UNC80: variants seen among roughly 807,000 people sequenced by gnomAD.
UNC80 encodes unc-80 subunit of NALCN channel complex, also known as protein unc-80 homolog.
In UNC80, 164 loss-of-function variants were observed where a neutral mutation model predicts 384.6. The ratio of observed to expected loss-of-function variants is 0.43; its 90% CI spans 0.38 to 0.49. The LOEUF (loss-of-function observed/expected upper bound fraction) is 0.49. Among genes scored for constraint, UNC80 ranks in the 20% least tolerant of loss-of-function variants. The probability of loss-of-function intolerance (pLI) is 0.00; values close to 1 mark genes in which losing one functional copy is unlikely to be tolerated. For missense variants in UNC80, 3,330 were observed against 4,143.0 expected (o/e 0.80, Z 5.39); for synonymous variants, 1,486 against 1,527.8 (o/e 0.97, Z 0.64).
rs572359494 is a variant in UNC80, at chr2:209,972,123, C to T, written c.8257-78C>T. The T allele has an allele frequency of 6.0e-6, 9 of 1,504,840 alleles. No homozygotes were observed. The South Asian group carries it at 1.2e-4, about 19-fold the overall frequency. The allele number at this position is 1,504,840 out of a possible 1,614,324, so 93.2% of individuals were successfully genotyped here. ...AGCAGCCAGCAGGGAGTCACCGTCT[C>T]CATCATACTGTGTAAAAACAAACAT... is the stretch of plus-strand genomic sequence containing the variant. On this transcript the variant is annotated intron_variant, in intron 54 of 64. Coordinates refer to ENST00000673920, the MANE Select transcript of UNC80 (RefSeq NM_001371986.1).
chr2:209,802,122 T>C (rs1224345461), intron 7 of UNC80, among the ~76,000 whole-genome samples: 1 of 151,634 alleles, frequency 6.6e-6, no homozygotes. Context: ...AGAAGTAGAG[T>C]AGAATGGTAG....
At position 209,777,370 on chromosome 2, in the gene UNC80, A is replaced by C; in HGVS notation, c.411A>C (p.Arg137=). The change falls in exon 4 of 65, where the codon CGA becomes CGC. Residue 137 remains arginine, a synonymous_variant. Coordinates refer to ENST00000673920, the MANE Select transcript of UNC80 (RefSeq NM_001371986.1). ...ATGAGCGGTTTGGGGGTACAGACCG[A>C]GGCTCCAGCTGGGGTGGAAGCAGCA... ...CNNERFGGTD[R]GSSWGGSSSA... 6.2e-7 allele frequency: 1 copy of C among 1,614,212 alleles called. No homozygotes were observed.
chr2:209,978,544 C>A lies in UNC80; in HGVS notation c.8954C>A (p.Thr2985Lys). Reference sequence around the variant, plus strand: ...CATCCTCTAGCCTACCAAGGCAAGACATCCATCAGTACCGTGGGCACCTCC... The same window carrying A: ...CATCCTCTAGCCTACCAAGGCAAGAAATCCATCAGTACCGTGGGCACCTCC... ...VHSGSAYQGK[T>K]SISTVGTSTS... is the part of the protein sequence containing the mutation. The change falls in exon 59 of 65, where the codon ACA becomes AAA. Residue 2985 changes from threonine to lysine, a missense_variant. Transcript: ENST00000673920. The A allele has an allele frequency of 6.5e-7, 1 of 1,546,906 alleles. No individual in the cohort carries two copies. Among genetic ancestry groups the A allele is most frequent in the Non-Finnish European group, 8.7e-7 (1 of 1,143,354 alleles).
At chr2:209,974,581 T>C (rs1218600674) in intron 56 of UNC80, among the ~76,000 whole-genome samples, 5 of 152,250 alleles carry the variant, frequency 3.3e-5, no homozygotes, top group African/African-American at 1.2e-4. Flanking sequence ...ACATTTATTT[T>C]GAGCACTTAC....
At position 209,840,620 on chromosome 2, in the gene UNC80, G is replaced by C. The variant is rs759835534; in HGVS notation, c.3329G>C (p.Arg1110Pro). 2 of 1,551,882 alleles carry C rather than the reference G, an allele frequency of 1.3e-6. No homozygotes were observed. The highest frequency in any genetic ancestry group is 1.4e-5 in the African/African-American group (1 of 73,020). ...CTCCTGGACATTAGCTCTGTGGACC[G>C]ACTCTCTTTCATCAGGCAAAGCTCC... ...EDLLDISSVD[R>P]LSFIRQSSKV... is the part of the protein sequence containing the mutation. The change falls in exon 20 of 65, where the codon CGA becomes CCA. Residue 1110 changes from arginine to proline, a missense_variant. Arg to Pro is a moderately radical substitution (Grantham distance 103). This residue lies in a region of UNC80 where 801 missense variants were observed against 950.8 expected (regional missense o/e 0.84). Coordinates refer to ENST00000673920, the MANE Select transcript of UNC80 (RefSeq NM_001371986.1).
chr2:209,880,249 A>G (rs540688848), intron 24 of UNC80, among the ~76,000 whole-genome samples: 73 of 152,348 alleles, frequency 4.8e-4, no homozygotes, highest in Middle Eastern at 3.4e-3. Flanking sequence ...AGCAAAATCT[A>G]TTAGCTGGCT....
At chr2:209,818,827 G>GTCTTGGT (rs958241388) in intron 11 of UNC80, among the ~76,000 whole-genome samples, 166 bp from the exon 12 acceptor site, 3 of 152,140 alleles carry the variant, frequency 2.0e-5, no homozygotes, top group Admixed American at 6.6e-5. Context: ...GGCCTTAGTA[G>GTCTTGGT]CTTCAGTAGT....
chr2:209,973,314 G>T (rs1038833314), intron 56 of UNC80, 44 bp downstream of exon 56: 2 of 1,475,744 alleles, frequency 1.4e-6, no homozygotes, highest in East Asian at 2.5e-5. Context: ...GCATGTGTAT[G>T]TATATGTATG....
intron 59 of UNC80, among the ~76,000 whole-genome samples, chr2:209,979,823 G>A (rs980868342): frequency 9.2e-5 from 14 of 152,238 alleles, no homozygotes; most frequent in African/African-American, 3.4e-4. Context: ...TTCACTCAGA[G>A]GCTCTCCATA....
rs1277299875 is a variant in UNC80 at position 209,831,529 on chromosome 2, T to G, written c.2713T>G (p.Phe905Val). Residue 905 changes from phenylalanine to valine, a missense_variant, in exon 16 of 65, where the codon TTT becomes GTT. Physicochemically the swap from Phe to Val is conservative, Grantham distance 50. Coordinates refer to ENST00000673920, the MANE Select transcript of UNC80 (RefSeq NM_001371986.1). ...GGAAGGCATTATCGTCAGCGCCATG[T>G]TTAAATCCCTCATCACACGCTGCGC... ...NVEGIIVSAM[F>V]KSLITRCAST... The G allele has an allele frequency of 1.3e-6, 2 of 1,551,236 alleles. No homozygotes were observed. The highest frequency in any genetic ancestry group is 1.7e-6 in the Non-Finnish European group (2 of 1,146,776).
At chr2:209,801,201 G>C (rs1351882065) in intron 7 of UNC80, among the ~76,000 whole-genome samples, 1 of 151,896 alleles carries the variant, frequency 6.6e-6, no homozygotes, top group Non-Finnish European at 1.5e-5. Context: ...TCTCTTTTTA[G>C]GTCTCTAAGA....
chr2:209,940,357 A>G (rs1033844310), intron 43 of UNC80, among the ~76,000 whole-genome samples: 2 of 152,208 alleles, frequency 1.3e-5, no homozygotes, highest in African/African-American at 4.8e-5. Context: ...TCAAAATTCA[A>G]TGAACTCTAA....
chr2:209,823,513 C>A (rs994137850), intron 13 of UNC80, among the ~76,000 whole-genome samples: 1 of 152,088 alleles, frequency 6.6e-6, no homozygotes, highest in African/African-American at 2.4e-5. Context: ...CCTCTGCTTT[C>A]GGAACCACTC....
Position 209,786,055 on chromosome 2 carries a change from C to T in UNC80, c.601-11C>T. ...TCAGTTATTGGACATATATCTTCTC[C>T]TCCCCCCTAGGAATCTGACCTCACC... On this transcript the variant is annotated splice_polypyrimidine_tract_variant and intron_variant, in intron 4 of 64. Coordinates refer to ENST00000673920, the MANE Select transcript of UNC80 (RefSeq NM_001371986.1). The T allele has an allele frequency of 1.2e-6, 2 of 1,612,186 alleles. No homozygotes were observed. Among genetic ancestry groups the T allele is most frequent in the Non-Finnish European group, 1.7e-6 (2 of 1,179,012 alleles).
intron 28 of UNC80, among the ~76,000 whole-genome samples, chr2:209,898,365 A>G (rs769754008): frequency 5.3e-5 from 8 of 152,164 alleles, no homozygotes; most frequent in Non-Finnish European, 8.8e-5. Context: ...TATTATCTAG[A>G]AGCAGTTTTA....
chr2:209,925,505 T>A (rs1341397043), intron 35 of UNC80, among the ~76,000 whole-genome samples: 1 of 152,252 alleles, frequency 6.6e-6, no homozygotes, highest in Non-Finnish European at 1.5e-5. Context: ...TTGCCGCTAC[T>A]GGCTTGGGTG....
At chr2:209,890,317 C>T (rs75429160) in intron 26 of UNC80, among the ~76,000 whole-genome samples, 2,273 of 152,264 alleles carry the variant, frequency 0.015, 24 homozygotes, top group Non-Finnish European at 0.023. Context: ...AGCCAACTTG[C>T]ACCCATATGA....
chr2:209,809,594 C>G (rs1559126244), intron 7 of UNC80: 2 of 755,578 alleles, frequency 2.6e-6, no homozygotes, highest in South Asian at 3.4e-5. Flanking sequence ...TAGAGGCTCC[C>G]TCTTCCTCTC....
At chr2:209,779,117 A>G (rs1171779824) in intron 4 of UNC80, among the ~76,000 whole-genome samples, 1 of 152,138 alleles carries the variant, frequency 6.6e-6, no homozygotes, top group Non-Finnish European at 1.5e-5. Context: ...ATTTTAAAGT[A>G]TTTTATACAG....
Sources: allele counts gnomAD v4.1 joint callset (sites outside exome capture counted in the v4.1 genomes callset), GRCh38; gene constraint gnomAD v4.1.1; regional missense constraint gnomAD v4.1.1; transcripts MANE v1.5; gene names NCBI Gene and HGNC (gene_info 2026-07-23, HGNC 2026-07-21).